The following AAK1 variants were observed in gnomAD, a reference collection of about 807,000 sequenced individuals.
AAK1 encodes the protein AP2 associated kinase 1, also known as AP2-associated protein kinase 1.
A neutral mutation model predicts 116.0 loss-of-function variants in AAK1; 37 were observed. The observed-to-expected ratio is 0.32, with a 90% CI of 0.25 to 0.42. AAK1 has a LOEUF of 0.42. AAK1 is among the 10% of genes least tolerant of loss of function. The pLI is 1.00. For synonymous variants in AAK1, 458 were observed against 439.9 expected (o/e 1.04, Z -0.51); for missense variants, 919 against 1,170.6 (o/e 0.79, Z 3.14).
rs534808188 is a variant in AAK1, at chr2:69,514,507, A to G, written c.1740T>C (p.Ala580=). The G allele has an allele frequency of 5.4e-5, 84 of 1,550,442 alleles. 1 individual carries two copies. In the South Asian group the frequency reaches 9.4e-4, roughly 17 times the overall value. Residue 580 remains alanine, a synonymous_variant, in exon 13 of 22, where the codon GCT becomes GCC. Transcript: ENST00000409085. ...GGGCAGGGGCTGGCTGTGGGGCTGC[A>G]GCTGGCTGTGGCTGGGGCTGCTGTC... ...AAGQQPQPQP[A]AAPQPAPAQE... is the part of the protein sequence containing the mutation.
intron 17 of AAK1, among the ~76,000 whole-genome samples, chr2:69,490,250 TG>T (rs1300143669): frequency 1.3e-5 from 2 of 151,978 alleles, no homozygotes; most frequent in African/African-American, 2.4e-5. Context: ...TGGAAAACAG[TG>T]GTCCTCAAAA....
rs535298671 is a variant in AAK1 at position 69,493,585 on chromosome 2, T to C, written c.2365+2400A>G. On this transcript the variant is annotated intron_variant, in intron 17 of 21. Coordinates refer to ENST00000409085, the MANE Select transcript of AAK1 (RefSeq NM_014911.5). ...ATTTGTCGGATCTGTAAATACTCACTAAGTGAATACAGACAGTGTCGTTGG... is the reference window on the plus strand; with the variant it reads ...ATTTGTCGGATCTGTAAATACTCACCAAGTGAATACAGACAGTGTCGTTGG... Among the ~76,000 whole-genome samples, 27 of 152,268 alleles carry C rather than the reference T, an allele frequency of 1.8e-4. No homozygotes were observed. In the South Asian group the frequency reaches 5.4e-3, roughly 30 times the overall value.
intron 2 of AAK1, among the ~76,000 whole-genome samples, chr2:69,581,074 C>G (rs567951095): frequency 2.5e-4 from 38 of 152,064 alleles, no homozygotes; most frequent in Admixed American, 4.6e-4. Context: ...ATGAATTTAT[C>G]TAGAGCCTGC....
At chr2:69,629,375 AT>A (rs1229380882) in intron 2 of AAK1, among the ~76,000 whole-genome samples, 2 of 152,348 alleles carry the variant, frequency 1.3e-5, no homozygotes, top group East Asian at 1.9e-4. Context: ...ACAGTATAGC[AT>A]TTAAATGGTT....
intron 2 of AAK1, chr2:69,594,712 T>C: frequency 1.5e-6 from 1 of 683,038 alleles, no homozygotes; most frequent in Non-Finnish European, 2.5e-6. Context: ...AAGGTTTTAT[T>C]GTCTTCATAA....
Position 69,514,563 on chromosome 2 carries a change from C to A in AAK1, c.1684G>T (p.Ala562Ser), listed in dbSNP as rs889025170. 2 of 1,560,678 alleles carry A rather than the reference C, an allele frequency of 1.3e-6. No homozygotes were observed. Among genetic ancestry groups the A allele is most frequent in the Admixed American group, 3.9e-5 (2 of 51,452 alleles). The change falls in exon 13 of 22, where the codon GCC becomes TCC. Residue 562 changes from alanine (A) to serine (S), a missense_variant. Physicochemically the swap from Ala to Ser is moderately conservative, Grantham distance 99. This residue lies in a region of AAK1 where 214 missense variants were observed against 210.6 expected (regional missense o/e 1.02). Transcript: ENST00000409085. ...HQQQLMTQQA[A>S]LQQKPTMAAG... ...GCCATAGTGGGCTTTTGCTGCAAGG[C>A]AGCCTGCTGAGTCATCAGCTGTTGT...
At chr2:69,534,453 C>A (rs1464787340) in intron 5 of AAK1, among the ~76,000 whole-genome samples, 1 of 152,152 alleles carries the variant, frequency 6.6e-6, no homozygotes, top group East Asian at 1.9e-4. Flanking sequence ...TTCAGAAATG[C>A]CCCCACAATA....
chr2:69,581,559 TGAGA>T (rs1460037092), intron 2 of AAK1, among the ~76,000 whole-genome samples: 1 of 152,202 alleles, frequency 6.6e-6, no homozygotes. Context: ...GAGTGTCAAA[TGAGA>T]TTGCTAAATT....
chr2:69,509,101 C>T (rs1676295282), intron 14 of AAK1, 130 bp downstream of exon 14: 1 of 729,294 alleles, frequency 1.4e-6, no homozygotes, highest in South Asian at 1.9e-5. Flanking sequence ...GAAAAATAAA[C>T]AAACACAAGT....
chr2:69,514,536 C>A lies in AAK1; in HGVS notation c.1711G>T (p.Ala571Ser). 1 of 1,552,352 alleles carries A rather than the reference C, an allele frequency of 6.4e-7. No homozygotes were observed. Among genetic ancestry groups the A allele is most frequent in the East Asian group, 2.4e-5 (1 of 40,974 alleles). Residue 571 changes from alanine to serine, a missense_variant, in exon 13 of 22, where the codon GCA becomes TCA. Ala to Ser is a moderately conservative substitution (Grantham distance 99). Around this residue, in one of 4 missense-constraint regions of AAK1, gnomAD observed 214 missense variants for 210.6 expected, o/e 1.02. Coordinates refer to ENST00000409085, the MANE Select transcript of AAK1 (RefSeq NM_014911.5). ...GGCTGTGGCTGGGGCTGCTGTCCTG[C>A]TGCCATAGTGGGCTTTTGCTGCAAG... ...AALQQKPTMA[A>S]GQQPQPQPAA...
chr2:69,580,699 T>A (rs867864713), intron 2 of AAK1, among the ~76,000 whole-genome samples: 2 of 152,234 alleles, frequency 1.3e-5, no homozygotes, highest in Non-Finnish European at 2.9e-5. Flanking sequence ...TTTAAGTAGA[T>A]AACTGTTAAT....
rs1674388540 is a variant in AAK1 at position 69,463,318 on chromosome 2, C to G, written c.*12551G>C. 6.6e-6 allele frequency: 1 copy of G among 151,898 alleles called. No homozygotes were observed. 9.4% of individuals were successfully genotyped at this position (151,898 alleles called of 1,614,324 possible). A position where few individuals can be genotyped will look rare whatever the true frequency, so the allele number is the denominator to read the frequency against. On this transcript the variant is annotated 3_prime_UTR_variant, in exon 22 of 22. Coordinates refer to ENST00000409085, the MANE Select transcript of AAK1 (RefSeq NM_014911.5). ...AGTTCTTTCCAGTGAGTTGAACTGC[C>G]TTAGCAGAAATCTTCCCATTGAGAT...
chr2:69,524,412 TTTTTG>T (rs72095421), intron 10 of AAK1, among the ~76,000 whole-genome samples: 66,000 of 148,434 alleles, frequency 0.44, 15,917 homozygotes, highest in East Asian at 0.77. Context: ...CAACATTCTT[TTTTTG>T]TTTTGTTTTG....
chr2:69,641,802 A>G (rs1471952992), intron 2 of AAK1, among the ~76,000 whole-genome samples: 3 of 152,070 alleles, frequency 2.0e-5, no homozygotes, highest in Admixed American at 6.5e-5. Context: ...TTCCCTTGCT[A>G]ATAAAACTGT....
At chr2:69,518,872 T>C in intron 12 of AAK1, 82 bp downstream of exon 12, 4 of 1,453,812 alleles carry the variant, frequency 2.8e-6, no homozygotes, top group Non-Finnish European at 3.6e-6. Flanking sequence ...AATGGCTCTC[T>C]GGGAAGACAC....
At chr2:69,615,155 A>G (rs1674267517) in intron 2 of AAK1, among the ~76,000 whole-genome samples, 1 of 152,118 alleles carries the variant, frequency 6.6e-6, no homozygotes, top group Non-Finnish European at 1.5e-5. Flanking sequence ...TAGGGTTTTC[A>G]CTTACATAGT....
At chr2:69,500,601 A>G (rs1295523005) in intron 16 of AAK1, among the ~76,000 whole-genome samples, 3 of 147,074 alleles carry the variant, frequency 2.0e-5, no homozygotes, top group Non-Finnish European at 4.5e-5. Context: ...TACATGTTCA[A>G]TGTTATTACT....
chr2:69,479,327 T>C (rs1674994530), intron 19 of AAK1, among the ~76,000 whole-genome samples: 1 of 152,148 alleles, frequency 6.6e-6, no homozygotes, highest in Non-Finnish European at 1.5e-5. Context: ...AAAAGAAATG[T>C]GTGGAGGCTT....
At chr2:69,542,875 AAC>A (rs1454833541) in intron 4 of AAK1, among the ~76,000 whole-genome samples, 1 of 152,126 alleles carries the variant, frequency 6.6e-6, no homozygotes, top group African/African-American at 2.4e-5. Flanking sequence ...ATGCATCAAA[AAC>A]AGTTTCTTTA....
Sources: allele counts gnomAD v4.1 joint callset (sites outside exome capture counted in the v4.1 genomes callset), GRCh38; gene constraint gnomAD v4.1.1; regional missense constraint gnomAD v4.1.1; transcripts MANE v1.5; gene names NCBI Gene and HGNC (gene_info 2026-07-23, HGNC 2026-07-21).